Variants in BTRC observed in about 807,000 individuals in gnomAD.
The protein encoded by BTRC is beta-transducin repeat containing E3 ubiquitin protein ligase.
Under a neutral mutation model 85.5 loss-of-function variants are expected in BTRC, and 42 were observed. The observed-to-expected ratio is 0.49, with a 90% CI of 0.38 to 0.64. The LOEUF is 0.64. Among genes scored for constraint, BTRC ranks in the 30% least tolerant of loss-of-function variants. The pLI, the probability that BTRC is intolerant of heterozygous loss-of-function variation, is 0.00. For synonymous variants in BTRC, 255 were observed against 263.3 expected (o/e 0.97, Z 0.30); for missense variants, 594 against 743.5 (o/e 0.80, Z 2.34).
At chr10:101,392,353 T>C (rs539505699) in intron 1 of BTRC, among the ~76,000 whole-genome samples, 1 of 152,322 alleles carries the variant, frequency 6.6e-6, no homozygotes, top group East Asian at 1.9e-4. Context: ...GAAGAAACCA[T>C]TGGCAACCCC....
At chr10:101,422,034 G>A (rs1478789484) in intron 1 of BTRC, among the ~76,000 whole-genome samples, 5 of 152,148 alleles carry the variant, frequency 3.3e-5, no homozygotes, top group African/African-American at 1.2e-4. Flanking sequence ...CTAGATCCCT[G>A]AGGAATTGCC....
intron 1 of BTRC, among the ~76,000 whole-genome samples, chr10:101,360,640 G>A (rs1214773633): frequency 3.9e-5 from 6 of 152,096 alleles, no homozygotes; most frequent in African/African-American, 1.4e-4. Context: ...CAAAGTGCTG[G>A]GATTATAGGC....
chr10:101,508,090 C>G (rs535556433), intron 4 of BTRC, among the ~76,000 whole-genome samples: 1 of 152,148 alleles, frequency 6.6e-6, no homozygotes, highest in Non-Finnish European at 1.5e-5. Context: ...AAATGACTAT[C>G]CTGTCCCTTT....
intron 13 of BTRC, among the ~76,000 whole-genome samples, chr10:101,539,293 G>A (rs2062432959): frequency 6.6e-6 from 1 of 152,194 alleles, no homozygotes. Context: ...AAATTAGTTG[G>A]AGCAACAGGG....
intron 1 of BTRC, among the ~76,000 whole-genome samples, chr10:101,387,721 G>T (rs1943121799): frequency 6.7e-6 from 1 of 149,380 alleles, no homozygotes; most frequent in South Asian, 2.1e-4. Flanking sequence ...ACGGAGTCTT[G>T]CTCTGTCGCC....
intron 4 of BTRC, among the ~76,000 whole-genome samples, chr10:101,481,724 C>A (rs896109617): frequency 6.6e-6 from 1 of 152,160 alleles, no homozygotes; most frequent in African/African-American, 2.4e-5. Flanking sequence ...TTCACTTGCT[C>A]CCAGGTGGTG....
intron 13 of BTRC, among the ~76,000 whole-genome samples, chr10:101,548,087 A>C (rs562816431): frequency 6.6e-6 from 1 of 152,380 alleles, no homozygotes; most frequent in Admixed American, 6.5e-5. Context: ...AAGATTGGTA[A>C]TATCAATTTT....
At chr10:101,519,002 C>T (rs1011016316) in intron 4 of BTRC, among the ~76,000 whole-genome samples, 3 of 150,636 alleles carry the variant, frequency 2.0e-5, no homozygotes, top group Non-Finnish European at 4.4e-5. Context: ...CATCTCAAGG[C>T]TTAAATCAAT....
intron 13 of BTRC, among the ~76,000 whole-genome samples, chr10:101,549,011 C>T (rs2062602947): frequency 6.6e-6 from 1 of 151,742 alleles, no homozygotes; most frequent in Non-Finnish European, 1.5e-5. Context: ...CAAGATCGCG[C>T]CACTGCACTC....
In BTRC at chr10:101,555,380, G is replaced by T. The variant is rs1200190391; in HGVS notation, c.*2257G>T. The T allele has an allele frequency of 6.5e-6, 1 of 152,692 alleles. No homozygotes were observed. Among genetic ancestry groups the T allele is most frequent in the East Asian group, 1.9e-4 (1 of 5,202 alleles). The allele number at this position is 152,692 out of a possible 1,614,324, so 9.5% of individuals were successfully genotyped here. On this transcript the variant is annotated 3_prime_UTR_variant, in exon 15 of 15. Coordinates refer to ENST00000370187, the MANE Select transcript of BTRC (RefSeq NM_033637.4). The stretch of plus-strand genomic sequence containing the variant: ...TTGAAGGAATATTGTTTCTAAGACT[G>T]TTTTGAGACATGTCCAGTACATCAC...
intron 1 of BTRC, among the ~76,000 whole-genome samples, chr10:101,363,462 TTTTTTC>T (rs1251733683): frequency 1.4e-4 from 18 of 132,046 alleles, no homozygotes; most frequent in Non-Finnish European, 2.2e-4. Context: ...TTTGTTTTTG[TTTTTTC>T]TTTTTTTTGA....
intron 13 of BTRC, among the ~76,000 whole-genome samples, chr10:101,549,912 C>T (rs1468252959): frequency 1.3e-5 from 2 of 151,892 alleles, no homozygotes; most frequent in African/African-American, 4.8e-5. Context: ...ATGAATTTTG[C>T]CAGCTGGTTG....
At chr10:101,385,379 AAAAAAG>A (rs1564740650) in intron 1 of BTRC, among the ~76,000 whole-genome samples, 2 of 150,464 alleles carry the variant, frequency 1.3e-5, no homozygotes, top group African/African-American at 4.9e-5. Flanking sequence ...AAAAAAAAAA[AAAAAAG>A]AAAAGAAAAA....
chr10:101,502,722 ACCT>A (rs1202483077), intron 4 of BTRC, among the ~76,000 whole-genome samples: 1 of 151,782 alleles, frequency 6.6e-6, no homozygotes, highest in African/African-American at 2.4e-5. Flanking sequence ...AGCAATACCC[ACCT>A]CCTCGTTCAT....
intron 6 of BTRC, among the ~76,000 whole-genome samples, chr10:101,527,945 A>G (rs2062222960): frequency 6.6e-6 from 1 of 152,208 alleles, no homozygotes; most frequent in Admixed American, 6.5e-5. Context: ...ACAACAAAGC[A>G]AATAAAAATG....
chr10:101,457,972 G>A (rs558889344), intron 2 of BTRC, among the ~76,000 whole-genome samples: 17 of 152,032 alleles, frequency 1.1e-4, no homozygotes, highest in South Asian at 4.2e-4. Context: ...ATATACACAC[G>A]CACATACATC....
intron 1 of BTRC, among the ~76,000 whole-genome samples, chr10:101,368,285 A>C (rs139682728): frequency 1.2e-3 from 190 of 152,130 alleles, no homozygotes; most frequent in African/African-American, 4.0e-3. Flanking sequence ...CTCCACCGTG[A>C]GTGGAAGCCG....
intron 1 of BTRC, among the ~76,000 whole-genome samples, chr10:101,420,928 T>C (rs1944084371): frequency 6.6e-6 from 1 of 151,438 alleles, no homozygotes; most frequent in South Asian, 2.1e-4. Flanking sequence ...TACATAGAAG[T>C]CAGTTACTCC....
chr10:101,369,522 C>T (rs1322873678), intron 1 of BTRC, among the ~76,000 whole-genome samples: 2 of 152,132 alleles, frequency 1.3e-5, no homozygotes, highest in African/African-American at 2.4e-5. Flanking sequence ...TCTTCTTATA[C>T]TTTTTTTGCC....
Sources: gnomAD v4.1 joint callset for allele counts (sites outside exome capture counted in the v4.1 genomes callset) on GRCh38, gnomAD v4.1.1 for gene constraint, MANE v1.5 for transcripts, NCBI Gene and HGNC (gene_info 2026-07-23, HGNC 2026-07-21) for gene names.